The following ATXN10 variants were observed in gnomAD, a reference collection of about 807,000 sequenced individuals.
ATXN10 encodes ataxin 10, also known as ataxin-10.
ATXN10 carries 28 observed loss-of-function variants against 52.9 expected under a neutral mutation model. The ratio of observed to expected loss-of-function variants is 0.53; its 90% confidence interval spans 0.39 to 0.73. The LOEUF is 0.73. ATXN10 is among the 30% of genes least tolerant of loss of function. The probability of loss-of-function intolerance (pLI) is 0.00; values close to 1 mark genes in which losing one functional copy is unlikely to be tolerated. For missense variants in ATXN10, 565 were observed against 577.0 expected, an observed-to-expected ratio of 0.98 and a Z score of 0.21; for synonymous variants, 226 against 221.5, an observed-to-expected ratio of 1.02 and a Z score of -0.18.
chr22:45,806,144 C>T (rs1928092211), intron 9 of ATXN10, among the ~76,000 whole-genome samples: 1 of 152,172 alleles, frequency 6.6e-6, no homozygotes, highest in Non-Finnish European at 1.5e-5. Context: ...CACCCAGTTC[C>T]CTTTCATGGG....
intron 9 of ATXN10, among the ~76,000 whole-genome samples, chr22:45,803,730 T>G (rs1391178215): frequency 6.6e-6 from 1 of 152,146 alleles, no homozygotes; most frequent in East Asian, 1.9e-4. Context: ...CGTACTTTAC[T>G]TTACGTACAG....
rs1929193510 is a variant in ATXN10, at chr22:45,837,122, A to G, written c.1238-5869A>G. On this transcript the variant is annotated intron_variant, in intron 10 of 11. Coordinates refer to ENST00000252934, the MANE Select transcript of ATXN10 (RefSeq NM_013236.4). This position sits in a 1 kb window ranked among gnomAD's most constrained non-coding sequence, Gnocchi z 5.8. ...AAACAATGCAGATATTACATATAAT[A>G]TATGTATCTGTTATACAGATATTAT... Among the ~76,000 whole-genome samples the G allele has an allele frequency of 6.6e-6, 1 of 152,068 alleles. No individual in the cohort carries two copies. Among genetic ancestry groups the G allele is most frequent in the Non-Finnish European group, 1.5e-5 (1 of 68,048 alleles).
At chr22:45,761,574 A>G (rs1300906505) in intron 9 of ATXN10, among the ~76,000 whole-genome samples, 2 of 152,246 alleles carry the variant, frequency 1.3e-5, no homozygotes, top group African/African-American at 2.4e-5. Context: ...TATCATAGGT[A>G]TAATCTCGAA....
At chr22:45,691,748 C>G (rs1427292789) in intron 2 of ATXN10, among the ~76,000 whole-genome samples, 1 of 152,228 alleles carries the variant, frequency 6.6e-6, no homozygotes, top group African/African-American at 2.4e-5. Flanking sequence ...AAAAAATTAG[C>G]TGGGTGTGGT....
Position 45,676,528 on chromosome 22 carries a change from G to C in ATXN10, c.116+4349G>C, listed in dbSNP as rs1922698243. On this transcript the variant is annotated intron_variant, in intron 1 of 11. Transcript: ENST00000252934. The stretch of plus-strand genomic sequence containing the variant: ...CAGTTTCACTCTTGTTGCCCAGGTT[G>C]GAGTGCAGTGGTGTGATCTTGGCTC... The C allele has an allele frequency of 1.3e-5, 2 of 149,014 alleles. 1 individual carries two copies. The highest frequency in any genetic ancestry group is 4.3e-4 in the South Asian group (2 of 4,702). 9.2% of individuals were successfully genotyped at this position (149,014 alleles called of 1,614,324 possible). A position where few individuals can be genotyped will look rare whatever the true frequency, so the allele number is the denominator to read the frequency against.
intron 10 of ATXN10, among the ~76,000 whole-genome samples, chr22:45,839,443 A>T (rs1929272791): frequency 6.6e-6 from 1 of 152,174 alleles, no homozygotes; most frequent in African/African-American, 2.4e-5. Flanking sequence ...AGCAGGACCC[A>T]TCACCCCAGC....
rs1181338540 is a variant in ATXN10, at chr22:45,727,615, C to T, written c.729-1810C>T. 6.6e-6 allele frequency among the ~76,000 whole-genome samples: 1 copy of T among 152,106 alleles called. No individual in the cohort carries two copies. The highest frequency in any genetic ancestry group is 1.5e-5 in the Non-Finnish European group (1 of 68,020). On this transcript the variant is annotated intron_variant, in intron 6 of 11. Transcript: ENST00000252934. This position sits in a 1 kb window ranked among gnomAD's most constrained non-coding sequence, Gnocchi z 4.6. The stretch of plus-strand genomic sequence containing the variant: ...ATCTCAGGTGATCCCCCATCCTCGG[C>T]CTCCCAAAGTACTGGGATTTCAGGT...
intron 9 of ATXN10, among the ~76,000 whole-genome samples, chr22:45,743,040 C>T (rs1925597611): frequency 2.0e-5 from 3 of 152,178 alleles, no homozygotes; most frequent in Admixed American, 2.0e-4. Context: ...CGAAATAACT[C>T]ACTGAAGTCA....
At position 45,690,880 on chromosome 22, in the gene ATXN10, T is replaced by C. The variant is rs1923345094; in HGVS notation, c.308+977T>C. Among the ~76,000 whole-genome samples the C allele has an allele frequency of 6.6e-6, 1 of 152,218 alleles. No individual in the cohort carries two copies. The highest frequency in any genetic ancestry group is 1.5e-5 in the Non-Finnish European group (1 of 68,038). ...TTGAAGTCAGAAGCCACAAACAGGATGCTCACTTTCCTTCCTGGACTTGGA... is the reference window on the plus strand; with the variant it reads ...TTGAAGTCAGAAGCCACAAACAGGACGCTCACTTTCCTTCCTGGACTTGGA... On this transcript the variant is annotated intron_variant, in intron 2 of 11. Coordinates refer to ENST00000252934, the MANE Select transcript of ATXN10 (RefSeq NM_013236.4). This position sits in a 1 kb window ranked among gnomAD's most constrained non-coding sequence, Gnocchi z 4.5.
At chr22:45,809,481 G>A (rs768718368) in intron 10 of ATXN10, among the ~76,000 whole-genome samples, 3 of 151,964 alleles carry the variant, frequency 2.0e-5, no homozygotes, top group Non-Finnish European at 4.4e-5. Context: ...AGGTACTTTT[G>A]TATATCTAAA....
At chr22:45,725,154 A>G (rs1048132043) in intron 6 of ATXN10, among the ~76,000 whole-genome samples, 6 of 152,118 alleles carry the variant, frequency 3.9e-5, no homozygotes, top group African/African-American at 1.4e-4. Context: ...TTTTGGTTCC[A>G]TATGAATTTT....
At chr22:45,753,737 TG>T (rs1419607968) in intron 9 of ATXN10, among the ~76,000 whole-genome samples, 1 of 152,074 alleles carries the variant, frequency 6.6e-6, no homozygotes, top group Non-Finnish European at 1.5e-5. Flanking sequence ...TTTCTTGACT[TG>T]GGATTCTAGT....
chr22:45,771,016 A>G (rs540821675), intron 9 of ATXN10, among the ~76,000 whole-genome samples: 1 of 152,238 alleles, frequency 6.6e-6, no homozygotes, highest in East Asian at 1.9e-4. Context: ...CCAATGCAAA[A>G]TGGTACAGCC....
In ATXN10 at chr22:45,777,211, A is replaced by G. The variant is rs372578924; in HGVS notation, c.1174-29748A>G. Among the ~76,000 whole-genome samples, 54 of 152,230 alleles carry G rather than the reference A, an allele frequency of 3.5e-4. 1 individual carries two copies. The highest frequency in any genetic ancestry group is 1.1e-3 in the African/African-American group (45 of 41,446). On this transcript the variant is annotated intron_variant, in intron 9 of 11. Transcript: ENST00000252934. ...TACTTTGTTACACACTGAATAGCCT[A>G]TAATTATCAAGATTATATCCAGTTA...
In ATXN10 at chr22:45,795,529, G is replaced by A. The variant is rs1249430224; in HGVS notation, c.1174-11430G>A. 6.6e-6 allele frequency among the ~76,000 whole-genome samples: 1 copy of A among 152,036 alleles called. No individual in the cohort carries two copies. The highest frequency in any genetic ancestry group is 1.9e-4 in the East Asian group (1 of 5,186). ...AGGTTCAAGCAATTCTCCTGCCTCA[G>A]CCTCCCAAGTAGCTGAGATTACAGG... is the stretch of plus-strand genomic sequence containing the variant. On this transcript the variant is annotated intron_variant, in intron 9 of 11. Coordinates refer to ENST00000252934, the MANE Select transcript of ATXN10 (RefSeq NM_013236.4). This position sits in a 1 kb window ranked among gnomAD's most constrained non-coding sequence, Gnocchi z 4.6.
chr22:45,718,508 A>G lies in ATXN10; in HGVS notation c.728+15A>G. 1.2e-6 allele frequency: 2 copies of G among 1,609,144 alleles called. No homozygotes were observed. Among genetic ancestry groups the G allele is most frequent in the East Asian group, 2.2e-5 (1 of 44,836 alleles). ...AATCAAGAAAGGTAACCCCCCAACC[A>G]GCGTGGTCTGGAGTATTTAGCATTC... On this transcript the variant is annotated intron_variant, in intron 6 of 11. Transcript: ENST00000252934. This position sits in a 1 kb window ranked among gnomAD's most constrained non-coding sequence, Gnocchi z 4.4.
rs1438157678 is a variant in ATXN10, at chr22:45,844,874, T to C, written c.*1203T>C. On this transcript the variant is annotated 3_prime_UTR_variant, in exon 12 of 12. Coordinates refer to ENST00000252934, the MANE Select transcript of ATXN10 (RefSeq NM_013236.4). ...AGTGCTTCTAAGCTTTGTGTAGACA[T>C]AGTTTAACTGATTTGTAAAAATAGC... The C allele has an allele frequency of 1.3e-5, 2 of 152,246 alleles. No individual in the cohort carries two copies. The highest frequency in any genetic ancestry group is 2.9e-5 in the Non-Finnish European group (2 of 68,044). The allele number at this position is 152,246 out of a possible 1,614,324, so 9.4% of individuals were successfully genotyped here.
chr22:45,815,248 TGTACA>T (rs1469912580), intron 10 of ATXN10, among the ~76,000 whole-genome samples: 1 of 152,190 alleles, frequency 6.6e-6, no homozygotes, highest in Non-Finnish European at 1.5e-5. Context: ...GACCATGTAC[TGTACA>T]GTTCATCTAC....
In ATXN10 at chr22:45,780,717, A is replaced by G. The variant is rs1927120504; in HGVS notation, c.1174-26242A>G. Among the ~76,000 whole-genome samples the G allele has an allele frequency of 6.6e-6, 1 of 152,246 alleles. No individual in the cohort carries two copies. ...ATCTTCTGAAATTTAAACCTGGATC[A>G]GTGACTTGTGTCTTCATTTGCTAAT... On this transcript the variant is annotated intron_variant, in intron 9 of 11. Transcript: ENST00000252934. The surrounding 1 kb of genome is among the most constrained non-coding windows in gnomAD (Gnocchi z 4.0).
Sources: gnomAD v4.1 joint callset for allele counts (sites outside exome capture counted in the v4.1 genomes callset) on GRCh38, gnomAD v4.1.1 for gene constraint, Gnocchi (gnomAD v3.1) non-coding constraint, MANE v1.5 for transcripts, NCBI Gene and HGNC (gene_info 2026-07-23, HGNC 2026-07-21) for gene names.